Variants in MAF observed in about 807,000 individuals in gnomAD.
MAF encodes transcription factor Maf.
In MAF, 10 loss-of-function variants were observed where a neutral mutation model predicts 22.0. The observed-to-expected ratio is 0.45, with a 90% CI of 0.28 to 0.77. The LOEUF is 0.77. Ranked by LOEUF, MAF falls within the 30% of genes least tolerant of loss-of-function variation. The pLI is 0.12. For missense variants in MAF, 544 were observed against 548.4 expected, an observed-to-expected ratio of 0.99 and a Z score of 0.08; for synonymous variants, 337 against 255.8, an observed-to-expected ratio of 1.32 and a Z score of -3.03.
chr16:79,445,292 C>G, the MAF span, among the ~76,000 whole-genome samples: 1 of 152,036 alleles, frequency 6.6e-6, no homozygotes, highest in Non-Finnish European at 1.5e-5. Flanking sequence ...ATCTGCCCGC[C>G]TTGGCCTCCC....
chr16:79,309,305 C>A, the MAF span, among the ~76,000 whole-genome samples: 1 of 152,154 alleles, frequency 6.6e-6, no homozygotes, highest in African/African-American at 2.4e-5. Context: ...ATATAATTGC[C>A]TTTATTGGCT....
At chr16:79,535,834 G>C in the MAF span, among the ~76,000 whole-genome samples, 1 of 152,070 alleles carries the variant, frequency 6.6e-6, no homozygotes, top group African/African-American at 2.4e-5. Context: ...GCCTCCCAAA[G>C]TGCTGGGATT....
At chr16:79,407,298 A>C in the MAF span, among the ~76,000 whole-genome samples, 1 of 152,190 alleles carries the variant, frequency 6.6e-6, no homozygotes, top group Non-Finnish European at 1.5e-5. Flanking sequence ...GCTCTGTTCC[A>C]AGCACGCAGG....
At chr16:79,349,751 G>A in the MAF span, among the ~76,000 whole-genome samples, 1 of 152,172 alleles carries the variant, frequency 6.6e-6, no homozygotes, top group African/African-American at 2.4e-5. Flanking sequence ...TTTTACACCT[G>A]TCTTGTCCAA....
the MAF span, among the ~76,000 whole-genome samples, chr16:79,242,497 G>A: frequency 6.6e-6 from 1 of 151,892 alleles, no homozygotes; most frequent in Non-Finnish European, 1.5e-5. Context: ...GCAACAAGAA[G>A]AGATAACTAT....
the MAF span, among the ~76,000 whole-genome samples, chr16:79,369,155 G>T: frequency 6.6e-6 from 1 of 152,176 alleles, no homozygotes. Flanking sequence ...TGCAAATGAG[G>T]CAACTAGAAG....
chr16:79,482,889 C>T, the MAF span, among the ~76,000 whole-genome samples: 1 of 105,778 alleles, frequency 9.5e-6, no homozygotes, highest in Non-Finnish European at 2.0e-5. Flanking sequence ...TCCCTCCCTC[C>T]TTCCTTCCCT....
At chr16:79,271,088 T>TTTA in the MAF span, among the ~76,000 whole-genome samples, 1 of 143,046 alleles carries the variant, frequency 7.0e-6, no homozygotes, top group African/African-American at 2.6e-5. Flanking sequence ...TTTTTATTTT[T>TTTA]TATTTTTAGT....
chr16:79,460,365 C>G, the MAF span, among the ~76,000 whole-genome samples: 1 of 152,100 alleles, frequency 6.6e-6, no homozygotes, highest in African/African-American at 2.4e-5. Flanking sequence ...CCAATTGTCC[C>G]GACAATATGT....
At chr16:79,238,081 G>T in the MAF span, among the ~76,000 whole-genome samples, 1 of 151,874 alleles carries the variant, frequency 6.6e-6, no homozygotes. Context: ...TTCTTTTTTT[G>T]TCAGGCTTTG....
At chr16:79,250,411 C>G in the MAF span, among the ~76,000 whole-genome samples, 1 of 152,162 alleles carries the variant, frequency 6.6e-6, no homozygotes, top group Non-Finnish European at 1.5e-5. Flanking sequence ...AAAGAGACTG[C>G]GGAGAGGTCA....
the MAF span, among the ~76,000 whole-genome samples, chr16:79,467,587 G>C: frequency 6.6e-6 from 1 of 152,160 alleles, no homozygotes. Flanking sequence ...CTCCAAGTCA[G>C]TGGTTCTCAG....
the MAF span, among the ~76,000 whole-genome samples, chr16:79,493,705 G>T: frequency 6.6e-6 from 1 of 152,202 alleles, no homozygotes; most frequent in Non-Finnish European, 1.5e-5. Flanking sequence ...AAAGGGTGGA[G>T]CTAATGACAG....
chr16:79,362,913 C>A, the MAF span, among the ~76,000 whole-genome samples: 20 of 152,174 alleles, frequency 1.3e-4, no homozygotes, highest in African/African-American at 4.6e-4. Flanking sequence ...ACTGGTATAT[C>A]CTTTTTTTAT....
At chr16:79,581,829 TC>T (rs1912539398), downstream of MAF, among the ~76,000 whole-genome samples, 1 of 152,194 alleles carries the variant, frequency 6.6e-6, no homozygotes, top group Non-Finnish European at 1.5e-5. Context: ...TTAATGTCAT[TC>T]CGCAGGCTTA....
the MAF span, among the ~76,000 whole-genome samples, chr16:79,244,449 G>C: frequency 1.3e-5 from 2 of 152,020 alleles, no homozygotes; most frequent in South Asian, 4.1e-4. Context: ...CAAATCATTA[G>C]TGAACTCCCA....
chr16:79,314,878 C>A, the MAF span, among the ~76,000 whole-genome samples: 1 of 152,152 alleles, frequency 6.6e-6, no homozygotes, highest in Non-Finnish European at 1.5e-5. Context: ...CAGAGCAAGT[C>A]CCGGTGGGAC....
chr16:79,418,158 T>C, the MAF span, among the ~76,000 whole-genome samples: 6 of 152,278 alleles, frequency 3.9e-5, no homozygotes, highest in South Asian at 2.1e-4. Flanking sequence ...TTCCCTCTCA[T>C]TGTGTCTCGA....
chr16:79,326,400 T>G, the MAF span, among the ~76,000 whole-genome samples: 1 of 152,214 alleles, frequency 6.6e-6, no homozygotes, highest in Admixed American at 6.5e-5. Flanking sequence ...ATTTAAACTT[T>G]TTCCATCCCA....
Sources: allele counts gnomAD v4.1 joint callset (sites outside exome capture counted in the v4.1 genomes callset), GRCh38; gene constraint gnomAD v4.1.1; transcripts MANE v1.5; gene names NCBI Gene and HGNC (gene_info 2026-07-23, HGNC 2026-07-21).